The following TMEM135 variants were observed in gnomAD, a reference collection of about 807,000 sequenced individuals.
The protein encoded by TMEM135 is transmembrane protein 135, also known as peroxisomal membrane protein 52.
In TMEM135, 30 loss-of-function variants were observed where a neutral mutation model predicts 60.3. That is an observed-to-expected ratio of 0.50 (90% CI 0.37 to 0.68). TMEM135 has a LOEUF of 0.68. Ranked by LOEUF, TMEM135 falls within the 30% of genes least tolerant of loss-of-function variation. The pLI, the probability that TMEM135 is intolerant of heterozygous loss-of-function variation, is 0.00. For synonymous variants in TMEM135, 190 were observed against 186.7 expected, an observed-to-expected ratio of 1.02 and a Z score of -0.14; for missense variants, 468 against 548.8, an observed-to-expected ratio of 0.85 and a Z score of 1.47.
At position 87,070,834 on chromosome 11, in the gene TMEM135, G is replaced by T. The variant is rs76946643; in HGVS notation, c.270-689G>T. Among the ~76,000 whole-genome samples, 916 of 152,282 alleles carry T rather than the reference G, an allele frequency of 6.0e-3. 16 individuals are homozygous for T. Among genetic ancestry groups the T allele is most frequent in the Middle Eastern group, 0.01 (3 of 294 alleles). ...ATGCTGTAAGAAAAAGTTATCAAGG[G>T]TTGTGGAAGCAAAGAAGGGAAAACA... is the stretch of plus-strand genomic sequence containing the variant. On this transcript the variant is annotated intron_variant, in intron 2 of 14. Coordinates refer to ENST00000305494, the MANE Select transcript of TMEM135 (RefSeq NM_022918.4).
At chr11:87,319,066 T>C in intron 13 of TMEM135, 1 of 430,614 alleles carries the variant, frequency 2.3e-6, no homozygotes, top group South Asian at 2.6e-5. Context: ...ACGGGTTTTC[T>C]CCATGTTGGT....
intron 1 of TMEM135, among the ~76,000 whole-genome samples, chr11:87,057,904 A>G (rs1949909039): frequency 6.6e-6 from 1 of 152,174 alleles, no homozygotes; most frequent in African/African-American, 2.4e-5. Flanking sequence ...CTGGAGACCC[A>G]GAGAGCCAAT....
intron 4 of TMEM135, among the ~76,000 whole-genome samples, chr11:87,145,246 A>T (rs1175671507): frequency 1.3e-5 from 2 of 152,208 alleles, no homozygotes; most frequent in African/African-American, 4.8e-5. Context: ...ATGTTGTCTC[A>T]AATGACAGAA....
intron 5 of TMEM135, among the ~76,000 whole-genome samples, chr11:87,171,330 AG>A (rs1256350069): frequency 2.1e-4 from 28 of 131,302 alleles, no homozygotes; most frequent in Non-Finnish European, 3.5e-4. Flanking sequence ...GGTTCAAGAC[AG>A]TGTAGTGTTT....
intron 4 of TMEM135, among the ~76,000 whole-genome samples, chr11:87,116,212 A>G (rs533117218): frequency 6.6e-6 from 1 of 152,294 alleles, no homozygotes; most frequent in South Asian, 2.1e-4. Context: ...GTAAAATTCC[A>G]CATTTTCTAG....
At chr11:87,191,303 C>T (rs532778481) in intron 5 of TMEM135, among the ~76,000 whole-genome samples, 40 of 151,890 alleles carry the variant, frequency 2.6e-4, no homozygotes, top group African/African-American at 7.5e-4. Context: ...TGCAGTGGCA[C>T]GATCTCGGCT....
chr11:87,079,169 C>T (rs571948739), intron 3 of TMEM135, among the ~76,000 whole-genome samples: 5 of 152,050 alleles, frequency 3.3e-5, no homozygotes, highest in African/African-American at 1.2e-4. Flanking sequence ...CCACACCCAG[C>T]CAATTTTTGT....
At chr11:87,199,868 G>A (rs553757979) in intron 5 of TMEM135, among the ~76,000 whole-genome samples, 1 of 152,178 alleles carries the variant, frequency 6.6e-6, no homozygotes, top group East Asian at 1.9e-4. Flanking sequence ...AGACAGAGGT[G>A]GCAGTGAATC....
At chr11:87,275,389 G>C (rs918035164) in intron 6 of TMEM135, among the ~76,000 whole-genome samples, 12 of 151,966 alleles carry the variant, frequency 7.9e-5, no homozygotes, top group Admixed American at 7.2e-4. Context: ...CTGCCTATCA[G>C]ATGCTTATTG....
chr11:87,132,316 G>A (rs1253743878), intron 4 of TMEM135, among the ~76,000 whole-genome samples: 3 of 152,126 alleles, frequency 2.0e-5, no homozygotes, highest in Non-Finnish European at 2.9e-5. Context: ...ACCTAAGGCA[G>A]TGATTGGCAC....
chr11:87,242,817 A>G (rs1476893546), intron 6 of TMEM135, among the ~76,000 whole-genome samples: 3 of 146,510 alleles, frequency 2.0e-5, no homozygotes, highest in African/African-American at 7.6e-5. Context: ...GTTCACTCTG[A>G]TGGTAGTTTC....
chr11:87,213,769 T>G (rs1349404956), intron 5 of TMEM135, among the ~76,000 whole-genome samples: 1 of 152,192 alleles, frequency 6.6e-6, no homozygotes, highest in Non-Finnish European at 1.5e-5. Context: ...GTGAATAAAA[T>G]AAATATTCAA....
intron 6 of TMEM135, among the ~76,000 whole-genome samples, chr11:87,247,660 A>C (rs1325142973): frequency 6.6e-6 from 1 of 152,218 alleles, no homozygotes; most frequent in Non-Finnish European, 1.5e-5. Context: ...CCTCCGAGCC[A>C]GGTGTGGGAT....
chr11:87,045,371 C>T (rs1271642586), intron 1 of TMEM135, among the ~76,000 whole-genome samples: 1 of 152,096 alleles, frequency 6.6e-6, no homozygotes, highest in African/African-American at 2.4e-5. Flanking sequence ...TCTTTGGCTG[C>T]TCTCTGTTGA....
In TMEM135 at chr11:87,328,585, A is replaced by G. The variant is rs1050646227; in HGVS notation, c.*7252A>G. 4.4e-6 allele frequency: 2 copies of G among 453,986 alleles called. No individual in the cohort carries two copies. Among genetic ancestry groups the G allele is most frequent in the Non-Finnish European group, 8.8e-6 (2 of 226,808 alleles). 28.1% of individuals were successfully genotyped at this position (453,986 alleles called of 1,614,324 possible). A position where few individuals can be genotyped will look rare whatever the true frequency, so the allele number is the denominator to read the frequency against. ...GCTTAGCTCCCACTTACAGTTGAGA[A>G]CATACAGAATTTGATTTTCTATTCC... is the stretch of plus-strand genomic sequence containing the variant. On this transcript the variant is annotated 3_prime_UTR_variant, in exon 15 of 15. Coordinates refer to ENST00000305494, the MANE Select transcript of TMEM135 (RefSeq NM_022918.4).
At chr11:87,107,185 A>C (rs977698651) in intron 4 of TMEM135, among the ~76,000 whole-genome samples, 4 of 152,074 alleles carry the variant, frequency 2.6e-5, no homozygotes, top group African/African-American at 9.7e-5. Flanking sequence ...TTTCTTCATG[A>C]TTCAGTCTTG....
intron 6 of TMEM135, among the ~76,000 whole-genome samples, chr11:87,251,510 G>A (rs1386735180): frequency 6.6e-6 from 1 of 152,080 alleles, no homozygotes; most frequent in African/African-American, 2.4e-5. Flanking sequence ...GGCCTCATAG[G>A]TAGGGCTTTG....
intron 5 of TMEM135, chr11:87,178,392 A>T (rs1939433809): frequency 6.6e-6 from 3 of 456,128 alleles, no homozygotes. Flanking sequence ...ACATGTAATT[A>T]TACAATATAT....
At chr11:87,211,827 C>A (rs1412956159) in intron 5 of TMEM135, among the ~76,000 whole-genome samples, 6 of 151,938 alleles carry the variant, frequency 3.9e-5, no homozygotes, top group African/African-American at 1.2e-4. Flanking sequence ...GCCTGTAGTC[C>A]CAGCTACTCG....
Sources: gnomAD v4.1 joint callset for allele counts (sites outside exome capture counted in the v4.1 genomes callset) on GRCh38, gnomAD v4.1.1 for gene constraint, MANE v1.5 for transcripts, NCBI Gene and HGNC (gene_info 2026-07-23, HGNC 2026-07-21) for gene names.